SLX9: variants seen among roughly 807,000 people sequenced by gnomAD.
SLX9 encodes SLX9 ribosome biogenesis factor, also known as ribosome biogenesis protein SLX9 homolog.
In SLX9, 19 loss-of-function variants were observed where a neutral mutation model predicts 20.8. That is an observed-to-expected ratio of 0.91 (90% CI 0.64 to 1.34). The LOEUF (loss-of-function observed/expected upper bound fraction) is 1.34, where lower values mean the gene tolerates loss of function less well. Ranked by LOEUF, SLX9 falls within the 40% of genes most tolerant of loss-of-function variation. SLX9 has a pLI of 0.00. For synonymous variants in SLX9, 113 were observed against 137.1 expected (o/e 0.82, Z 1.23); for missense variants, 299 against 322.2 (o/e 0.93, Z 0.55).
At chr21:44,974,466 A>G (rs2085224964) in intron 5 of SLX9, among the ~76,000 whole-genome samples, 1 of 152,220 alleles carries the variant, frequency 6.6e-6, no homozygotes, top group Non-Finnish European at 1.5e-5. Flanking sequence ...TCTGTCTTCC[A>G]TCTCATGTTC....
intron 1 of SLX9, among the ~76,000 whole-genome samples, chr21:44,940,571 G>A (rs4818744): frequency 0.63 from 95,230 of 152,000 alleles, 30,483 homozygotes; most frequent in East Asian, 0.73. Flanking sequence ...TTTAGCAGTC[G>A]GCTGGCCTGT....
chr21:44,942,456 G>T (rs2084566526), intron 1 of SLX9, among the ~76,000 whole-genome samples: 1 of 152,298 alleles, frequency 6.6e-6, no homozygotes, highest in East Asian at 1.9e-4. Flanking sequence ...TCCCTCAGGT[G>T]CTGTGGGTGA....
chr21:44,967,861 C>G (rs1568943812), intron 4 of SLX9, among the ~76,000 whole-genome samples: 3 of 152,176 alleles, frequency 2.0e-5, no homozygotes. Context: ...TGCGGTTGCT[C>G]TCCCGAGCTG....
chr21:44,948,205 C>T (rs552022498), intron 2 of SLX9, among the ~76,000 whole-genome samples: 46 of 151,138 alleles, frequency 3.0e-4, no homozygotes, highest in African/African-American at 1.1e-3. Flanking sequence ...CGTGGAGCAT[C>T]GGGCGGTCCG....
chr21:44,971,306 C>A (rs1423442130), intron 4 of SLX9, among the ~76,000 whole-genome samples: 1 of 152,196 alleles, frequency 6.6e-6, no homozygotes, highest in Non-Finnish European at 1.5e-5. Flanking sequence ...GGAGTCGCGT[C>A]CCTGCCGGTG....
chr21:44,966,942 C>T, intron 3 of SLX9, 92 bp from the exon 4 acceptor site: 2 of 1,498,426 alleles, frequency 1.3e-6, no homozygotes, highest in Non-Finnish European at 9.1e-7. Flanking sequence ...CAGGGCCGGG[C>T]ACCCTGCCAG....
rs1217315612 is a variant in SLX9 at position 44,940,102 on chromosome 21, C to G, written c.45C>G (p.Ala15=). 7.0e-7 allele frequency: 1 copy of G among 1,430,838 alleles called. No individual in the cohort carries two copies. Among genetic ancestry groups the G allele is most frequent in the South Asian group, 1.5e-5 (1 of 67,174 alleles). 88.6% of individuals were successfully genotyped at this position (1,430,838 alleles called of 1,614,324 possible). The part of the protein sequence containing the change: ...RGLRARVHQA[A]VRPKGEAAPG... ...TGCGCGCCCGAGTGCACCAGGCTGC[C>G]GTGAGGCCGAAAGGGGAGGCCGCCC... The change falls in exon 1 of 6, where the codon GCC becomes GCG. Residue 15 remains alanine, a synonymous_variant. Coordinates refer to ENST00000291634, the MANE Select transcript of SLX9 (RefSeq NM_058190.4).
At chr21:44,956,483 ATGC>A (rs2084859738) in intron 2 of SLX9, among the ~76,000 whole-genome samples, 1 of 152,194 alleles carries the variant, frequency 6.6e-6, no homozygotes, top group South Asian at 2.1e-4. Context: ...GCACCACGAG[ATGC>A]TGCTGGCATG....
chr21:44,949,864 C>T (rs1460858459), intron 2 of SLX9, among the ~76,000 whole-genome samples: 3 of 152,176 alleles, frequency 2.0e-5, no homozygotes, highest in Non-Finnish European at 4.4e-5. Context: ...CAGGCACCTG[C>T]GGTGGAGGGA....
rs2084510646 is a variant in SLX9 at position 44,940,121 on chromosome 21, G to T, written c.64G>T (p.Ala22Ser). 2 of 1,375,686 alleles carry T rather than the reference G, an allele frequency of 1.5e-6. No individual in the cohort carries two copies. Among genetic ancestry groups the T allele is most frequent in the Non-Finnish European group, 1.9e-6 (2 of 1,057,394 alleles). 85.2% of individuals were successfully genotyped at this position (1,375,686 alleles called of 1,614,324 possible). ...HQAAVRPKGE[A>S]APGPAPPAPE... is the part of the protein sequence containing the mutation. ...GGCTGCCGTGAGGCCGAAAGGGGAGGCCGCCCCCGGCCCCGCGCCCCCTGC... is the reference window on the plus strand; with the variant it reads ...GGCTGCCGTGAGGCCGAAAGGGGAGTCCGCCCCCGGCCCCGCGCCCCCTGC... Residue 22 changes from alanine (A) to serine (S), a missense_variant, in exon 1 of 6, where the codon GCC (alanine) becomes TCC (serine). Ala to Ser is a moderately conservative substitution (Grantham distance 99). Coordinates refer to ENST00000291634, the MANE Select transcript of SLX9 (RefSeq NM_058190.4).
Position 44,956,935 on chromosome 21 carries a change from C to T in SLX9, c.284-3165C>T, listed in dbSNP as rs2084868374. On this transcript the variant is annotated intron_variant, in intron 2 of 5. Transcript: ENST00000291634. ...TTAGAGCGCAAGAGCCCAGGCAGCA[C>T]CGTGGCAGCTGGGAAGGCTGTGGTT... 2.0e-5 allele frequency among the ~76,000 whole-genome samples: 3 copies of T among 152,258 alleles called. No individual in the cohort carries two copies. The South Asian group carries it at 6.2e-4, about 31-fold the overall frequency.
intron 2 of SLX9, among the ~76,000 whole-genome samples, chr21:44,956,447 C>A (rs1036910807): frequency 1.3e-5 from 2 of 152,232 alleles, no homozygotes; most frequent in African/African-American, 2.4e-5. Context: ...TGCATTCACC[C>A]AGAAGGCGTG....
intron 2 of SLX9, among the ~76,000 whole-genome samples, chr21:44,955,758 C>T (rs1191226905): frequency 2.0e-5 from 3 of 152,382 alleles, no homozygotes; most frequent in Admixed American, 6.5e-5. Flanking sequence ...CCTTACATCA[C>T]GGCTGCTGAA....
chr21:44,965,875 C>A (rs939500370), intron 3 of SLX9, among the ~76,000 whole-genome samples: 1 of 152,132 alleles, frequency 6.6e-6, no homozygotes, highest in Non-Finnish European at 1.5e-5. Context: ...TTCCAGGGTG[C>A]CCTGGCTCTC....
chr21:44,953,824 G>A (rs980719903), intron 2 of SLX9, among the ~76,000 whole-genome samples: 5 of 152,198 alleles, frequency 3.3e-5, no homozygotes, highest in Admixed American at 2.0e-4. Flanking sequence ...TCTTCCCTGC[G>A]GTGCTGCTGG....
At chr21:44,971,474 C>T (rs996361263) in intron 4 of SLX9, among the ~76,000 whole-genome samples, 14 of 152,110 alleles carry the variant, frequency 9.2e-5, no homozygotes, top group East Asian at 1.9e-4. Context: ...GGAGGTGCCG[C>T]GCCTGGCCTC....
rs570837333 is a variant in SLX9 at position 44,970,266 on chromosome 21, G to A, written c.501-2931G>A. Among the ~76,000 whole-genome samples, 12 of 152,372 alleles carry A rather than the reference G, an allele frequency of 7.9e-5. No individual in the cohort carries two copies. In the East Asian group the frequency reaches 1.7e-3, roughly 22 times the overall value. On this transcript the variant is annotated intron_variant, in intron 4 of 5. Transcript: ENST00000291634. ...CTCCCCGTGTATGTGTCGCTCATGC[G>A]CCGGTGTTGGTCTGGACAGATGGAT...
At chr21:44,968,694 G>T (rs11701378) in intron 4 of SLX9, among the ~76,000 whole-genome samples, 1 of 151,704 alleles carries the variant, frequency 6.6e-6, no homozygotes, top group African/African-American at 2.4e-5. Flanking sequence ...AAAGAGGCCG[G>T]ACCACTCTGT....
intron 3 of SLX9, among the ~76,000 whole-genome samples, chr21:44,966,672 T>C (rs1264071590): frequency 1.3e-5 from 2 of 152,092 alleles, no homozygotes; most frequent in Non-Finnish European, 2.9e-5. Context: ...CTTGCCATCT[T>C]AAGTTGAGGG....
Sources: allele counts gnomAD v4.1 joint callset (sites outside exome capture counted in the v4.1 genomes callset), GRCh38; gene constraint gnomAD v4.1.1; transcripts MANE v1.5; gene names NCBI Gene and HGNC (gene_info 2026-07-23, HGNC 2026-07-21).